DDX60: variants seen among roughly 807,000 people sequenced by gnomAD.
The protein encoded by DDX60 is DExD/H-box helicase 60.
Under a neutral mutation model 212.8 loss-of-function variants are expected in DDX60, and 165 were observed. That is an observed-to-expected ratio of 0.78 (90% CI 0.68 to 0.88). DDX60 has a LOEUF of 0.88. Ranked by LOEUF, DDX60 falls within the 40% of genes least tolerant of loss-of-function variation. The probability of loss-of-function intolerance (pLI) is 0.00; values close to 1 mark genes in which losing one functional copy is unlikely to be tolerated. For synonymous variants in DDX60, 703 were observed against 685.3 expected, an observed-to-expected ratio of 1.03 and a Z score of -0.40; for missense variants, 1,905 against 2,003.9, an observed-to-expected ratio of 0.95 and a Z score of 0.94.
In DDX60 at chr4:168,235,432, T is replaced by G. The variant is rs117846733; in HGVS notation, c.4533+820A>C. Among the ~76,000 whole-genome samples, 24 of 152,182 alleles carry G rather than the reference T, an allele frequency of 1.6e-4. No individual in the cohort carries two copies. In the East Asian group the frequency reaches 4.6e-3, roughly 29 times the overall value. On this transcript the variant is annotated intron_variant, in intron 33 of 37. Coordinates refer to ENST00000393743, the MANE Select transcript of DDX60 (RefSeq NM_017631.6). ...GAGATAGTGAATTTTCTATGTTAAA[T>G]ATAAATTTATATAAACAGAACAATT...
chr4:168,217,663 G>C (rs1454571726), intron 37 of DDX60, among the ~76,000 whole-genome samples: 1 of 152,160 alleles, frequency 6.6e-6, no homozygotes, highest in Admixed American at 6.5e-5. Context: ...GGCAGGTTCA[G>C]TGTGATCTCA....
At chr4:168,323,397 A>T (rs1347085671), upstream of DDX60, among the ~76,000 whole-genome samples, 1 of 152,200 alleles carries the variant, frequency 6.6e-6, no homozygotes, top group African/African-American at 2.4e-5. Flanking sequence ...CAATGCATGC[A>T]TGTAGCAGTG....
chr4:168,229,903 G>A (rs1733385222), intron 33 of DDX60, among the ~76,000 whole-genome samples: 1 of 152,066 alleles, frequency 6.6e-6, no homozygotes, highest in South Asian at 2.1e-4. Context: ...TGGCCTAAAT[G>A]CTCCACTTAG....
At chr4:168,286,726 C>A (rs1188417800) in intron 10 of DDX60, among the ~76,000 whole-genome samples, 1 of 152,046 alleles carries the variant, frequency 6.6e-6, no homozygotes, top group Non-Finnish European at 1.5e-5. Context: ...TGTTTGGTGT[C>A]TCTTATTCAG....
intron 7 of DDX60, 97 bp from the exon 8 acceptor site, chr4:168,292,003 G>A (rs1046527042): frequency 1.5e-6 from 1 of 679,812 alleles, no homozygotes; most frequent in Non-Finnish European, 2.3e-6. Context: ...TACCTTTGCT[G>A]TTCAGGAATC....
chr4:168,282,382 G>C (rs763979429), intron 13 of DDX60, among the ~76,000 whole-genome samples: 1 of 152,068 alleles, frequency 6.6e-6, no homozygotes, highest in African/African-American at 2.4e-5. Context: ...TCCACTGAAG[G>C]CTTGACAAAG....
intron 16 of DDX60, 76 bp downstream of exon 16, chr4:168,275,269 G>T: frequency 1.5e-6 from 2 of 1,294,854 alleles, no homozygotes; most frequent in Non-Finnish European, 2.1e-6. Flanking sequence ...AACATGTACA[G>T]CCACAATAAT....
chr4:168,294,023 A>AC, intron 6 of DDX60, 78 bp from the exon 7 acceptor site: 18 of 1,283,500 alleles, frequency 1.4e-5, no homozygotes, highest in Non-Finnish European at 1.8e-5. Context: ...ACTAGTGGGT[A>AC]CTACTAGGCT....
chr4:168,271,503 T>C (rs900864630), intron 19 of DDX60, among the ~76,000 whole-genome samples: 2 of 152,228 alleles, frequency 1.3e-5, no homozygotes, highest in African/African-American at 4.8e-5. Context: ...TGAGTTTCCA[T>C]AAATGCTTCC....
intron 21 of DDX60, 32 bp from the exon 22 acceptor site, chr4:168,267,723 A>T (rs760579702): frequency 6.5e-7 from 1 of 1,536,082 alleles, no homozygotes; most frequent in South Asian, 1.2e-5. Flanking sequence ...TTCCACATCA[A>T]TGGAAATGTA....
chr4:168,278,919 T>C (rs1735467716), intron 14 of DDX60, among the ~76,000 whole-genome samples: 1 of 152,020 alleles, frequency 6.6e-6, no homozygotes, highest in South Asian at 2.1e-4. Flanking sequence ...GTTGAAGAAG[T>C]TGGTTAGAAA....
chr4:168,307,515 C>T (rs1736936945), intron 4 of DDX60, among the ~76,000 whole-genome samples: 1 of 152,204 alleles, frequency 6.6e-6, no homozygotes, highest in South Asian at 2.1e-4. Flanking sequence ...GTGATCATGG[C>T]TCACTGCAGT....
chr4:168,231,399 AC>A (rs945918780), intron 33 of DDX60, among the ~76,000 whole-genome samples: 1 of 150,604 alleles, frequency 6.6e-6, no homozygotes, highest in Non-Finnish European at 1.5e-5. Flanking sequence ...AAATGACATA[AC>A]AAAAAAAAAA....
rs1194275481 is a variant in DDX60 at position 168,306,604 on chromosome 4, T to A, written c.381A>T (p.Leu127Phe). ...IDVRTTFSRC[L>F]SKEWGSFLEE... is the part of the protein sequence containing the mutation. ...CCAAGAAACTTCCCCACTCTTTTGA[T>A]AAGCATCTCGAAAATGTTGTTCGAA... Residue 127 changes from leucine to phenylalanine, a missense_variant, in exon 5 of 38, where the codon TTA (leucine) becomes TTT (phenylalanine). Coordinates refer to ENST00000393743, the MANE Select transcript of DDX60 (RefSeq NM_017631.6). The A allele has an allele frequency of 1.2e-6, 2 of 1,614,160 alleles. No homozygotes were observed.
At chr4:168,262,637 T>C (rs1448974987) in intron 23 of DDX60, 46 bp downstream of exon 23, 1 of 1,293,602 alleles carries the variant, frequency 7.7e-7, no homozygotes, top group Admixed American at 1.8e-5. Flanking sequence ...AGTTTGTCAA[T>C]ATTATCATCC....
chr4:168,319,540 A>G (rs190382003), upstream of DDX60, among the ~76,000 whole-genome samples: 1 of 152,362 alleles, frequency 6.6e-6, no homozygotes, highest in Non-Finnish European at 1.5e-5. Context: ...GCCAAGAATC[A>G]ACATTAAAAA....
At chr4:168,222,129 T>A (rs1451085425) in intron 35 of DDX60, among the ~76,000 whole-genome samples, 1 of 152,022 alleles carries the variant, frequency 6.6e-6, no homozygotes, top group East Asian at 1.9e-4. Context: ...CAACCATCCA[T>A]CCACTAGAAT....
chr4:168,290,896 G>A (rs1736065759), intron 8 of DDX60, among the ~76,000 whole-genome samples: 1 of 152,118 alleles, frequency 6.6e-6, no homozygotes, highest in Non-Finnish European at 1.5e-5. Flanking sequence ...TGGCTTCCTA[G>A]TTAATTGGTC....
At position 168,288,225 on chromosome 4, in the gene DDX60, C is replaced by T. The variant is rs1735943956; in HGVS notation, c.1132G>A (p.Glu378Lys). 6.6e-7 allele frequency: 1 copy of T among 1,521,176 alleles called. No homozygotes were observed. The allele number at this position is 1,521,176 out of a possible 1,614,324, so 94.2% of individuals were successfully genotyped here. Reference protein sequence around the residue: ...NLIHLSDLNDELLLKNIAFYY... With the variant: ...NLIHLSDLNDKLLLKNIAFYY... The stretch of plus-strand genomic sequence containing the variant: ...AAAGCAATATTCTTCAACAAAAGCT[C>T]ATCATTTAAGTCAGAAAGGTGAATT... Residue 378 changes from glutamate (E) to lysine (K), a missense_variant, in exon 9 of 38, where the codon GAG (glutamate) becomes AAG (lysine). Physicochemically the swap from Glu to Lys is moderately conservative, Grantham distance 56. Coordinates refer to ENST00000393743, the MANE Select transcript of DDX60 (RefSeq NM_017631.6).
Sources: allele counts gnomAD v4.1 joint callset (sites outside exome capture counted in the v4.1 genomes callset), GRCh38; gene constraint gnomAD v4.1.1; transcripts MANE v1.5; gene names NCBI Gene and HGNC (gene_info 2026-07-23, HGNC 2026-07-21).